Variants in CEBPZOS observed in about 807,000 individuals in gnomAD.
The protein encoded by CEBPZOS is protein CEBPZOS.
Under a neutral mutation model 4.8 loss-of-function variants are expected in CEBPZOS, and 10 were observed. The ratio of observed to expected loss-of-function variants is 2.07; its 90% CI spans 1.28 to 3.52. The LOEUF is 3.52. Ranked by LOEUF, CEBPZOS falls within the 30% of genes most tolerant of loss-of-function variation. CEBPZOS has a pLI of 0.00. For synonymous variants in CEBPZOS, 25 were observed against 14.2 expected, an observed-to-expected ratio of 1.77 and a Z score of -1.72; for missense variants, 98 against 43.6, an observed-to-expected ratio of 2.25 and a Z score of -3.51.
chr2:37,204,931 C>T (rs539741304), downstream of CEBPZOS, among the ~76,000 whole-genome samples: 1 of 152,208 alleles, frequency 6.6e-6, no homozygotes, highest in African/African-American at 2.4e-5. Flanking sequence ...ATTCCTTTTA[C>T]CAGCATCTTT....
chr2:37,212,439 T>G (rs763357280), intron 4 of CEBPZOS: 11 of 1,463,040 alleles, frequency 7.5e-6, no homozygotes, highest in Non-Finnish European at 8.6e-6. Context: ...AATGACAAGC[T>G]TGACATATAT....
At position 37,204,277 on chromosome 2, in the gene CEBPZOS, AT is replaced by A. The variant is rs531479622; in HGVS notation, c.*2436del. ...TAACACCATGCCTGGCTAATTTTTG[AT>A]TTTTTTTTTTTTTTTTTTGAGACAG... On this transcript the variant is annotated 3_prime_UTR_variant, in exon 5 of 5. Coordinates refer to ENST00000402297, the MANE Select transcript of CEBPZOS (RefSeq NM_001322374.2). The A allele has an allele frequency of 0.34, 37,122 of 109,086 alleles. 3,567 individuals carry two copies. The highest frequency in any genetic ancestry group is 0.41 in the Middle Eastern group (88 of 216). 6.8% of individuals were successfully genotyped at this position (109,086 alleles called of 1,614,324 possible).
chr2:37,202,537 TGGG>T lies in CEBPZOS; in HGVS notation c.*678_*680del, dbSNP rs1160418391. On this transcript the variant is annotated 3_prime_UTR_variant, in exon 5 of 5. Coordinates refer to ENST00000402297, the MANE Select transcript of CEBPZOS (RefSeq NM_001322374.2). Reference sequence around the variant, plus strand: ...GTGCATGCCTGTAATCCCAGCTACTTGGGAGGCTAAGGTAGGAGAATTACTTGA... The same window carrying T: ...GTGCATGCCTGTAATCCCAGCTACTTAGGCTAAGGTAGGAGAATTACTTGA... The T allele has an allele frequency of 2.7e-5, 8 of 300,598 alleles. No homozygotes were observed. The highest frequency in any genetic ancestry group is 1.5e-4 in the Admixed American group (3 of 19,988). 18.6% of individuals were successfully genotyped at this position (300,598 alleles called of 1,614,324 possible).
At chr2:37,211,850 G>C in intron 4 of CEBPZOS, 15 of 1,592,834 alleles carry the variant, frequency 9.4e-6, no homozygotes, top group Non-Finnish European at 1.3e-5. Flanking sequence ...TACCTGGAAC[G>C]CTCTCACTTT....
chr2:37,205,545 C>T (rs977468065), downstream of CEBPZOS, among the ~76,000 whole-genome samples: 2 of 152,166 alleles, frequency 1.3e-5, no homozygotes, highest in Non-Finnish European at 2.9e-5. Context: ...ACTCTCTTTT[C>T]GGACTCAGCC....
chr2:37,196,960 A>G (rs1676973274), intron 1 of CEBPZOS, among the ~76,000 whole-genome samples: 1 of 152,166 alleles, frequency 6.6e-6, no homozygotes, highest in Non-Finnish European at 1.5e-5. Flanking sequence ...TAGCCTGCAG[A>G]CGCTAAGCTG....
Position 37,203,138 on chromosome 2 carries a change from T to C in CEBPZOS, c.*1278T>C. 1.8e-6 allele frequency: 1 copy of C among 556,188 alleles called. No individual in the cohort carries two copies. The highest frequency in any genetic ancestry group is 3.1e-6 in the Non-Finnish European group (1 of 325,096). The allele number at this position is 556,188 out of a possible 1,614,324, so 34.5% of individuals were successfully genotyped here. ...AATTGCAATAATCTTCTGGCACCATTGGGTAGCTGGCATTTAAATATAATT... is the reference window on the plus strand; with the variant it reads ...AATTGCAATAATCTTCTGGCACCATCGGGTAGCTGGCATTTAAATATAATT... On this transcript the variant is annotated 3_prime_UTR_variant, in exon 5 of 5. Transcript: ENST00000402297.
chr2:37,202,816 C>T lies in CEBPZOS; in HGVS notation c.*956C>T, dbSNP rs147728536. The stretch of plus-strand genomic sequence containing the variant: ...ATCTTTGTTAGCCATGGCATTCATG[C>T]CAATGTTATCAAACTTGGATCCCAT... On this transcript the variant is annotated 3_prime_UTR_variant, in exon 5 of 5. Transcript: ENST00000402297. 1 of 1,597,916 alleles carries T rather than the reference C, an allele frequency of 6.3e-7. No individual in the cohort carries two copies. The highest frequency in any genetic ancestry group is 8.5e-7 in the Non-Finnish European group (1 of 1,172,672).
At chr2:37,213,554 G>C (rs1453645274) in exon 5 of CEBPZOS, 3 of 205,330 alleles carry the variant, frequency 1.5e-5, no homozygotes, top group African/African-American at 7.1e-5. Flanking sequence ...TGGGACTACA[G>C]GTGCGTGCCA....
At chr2:37,211,848 A>G in intron 4 of CEBPZOS, 1 of 1,593,246 alleles carries the variant, frequency 6.3e-7, no homozygotes, top group East Asian at 2.2e-5. Context: ...CTTACCTGGA[A>G]CGCTCTCACT....
At chr2:37,216,065 C>A (rs1677859048), downstream of CEBPZOS, 2 of 1,102,228 alleles carry the variant, frequency 1.8e-6, no homozygotes, top group South Asian at 1.5e-5. Context: ...TAAATTAGAA[C>A]AAAGAATAAT....
At chr2:37,199,396 TTC>T (rs1216500983) in intron 1 of CEBPZOS, among the ~76,000 whole-genome samples, 3 of 152,322 alleles carry the variant, frequency 2.0e-5, no homozygotes, top group Admixed American at 2.0e-4. Context: ...ATCTTCCCCA[TTC>T]TGTTTTCCTA....
downstream of CEBPZOS, chr2:37,215,589 T>C (rs1677848241): frequency 6.6e-6 from 1 of 152,612 alleles, no homozygotes; most frequent in African/African-American, 2.4e-5. Context: ...TAAGGTCTAA[T>C]TTAATCCTGG....
intron 1 of CEBPZOS, chr2:37,198,440 TATC>T (rs1460602126): frequency 6.6e-6 from 1 of 152,162 alleles, no homozygotes; most frequent in Non-Finnish European, 1.5e-5. Flanking sequence ...CCTGGTAAGA[TATC>T]AGCAGAATAA....
intron 4 of CEBPZOS, chr2:37,212,050 A>C: frequency 1.3e-6 from 2 of 1,573,388 alleles, no homozygotes; most frequent in Non-Finnish European, 1.7e-6. Flanking sequence ...CTGGAAAAAA[A>C]CACAACTTGT....
At chr2:37,197,497 C>G (rs1356691411) in intron 1 of CEBPZOS, 1 of 152,292 alleles carries the variant, frequency 6.6e-6, no homozygotes. Context: ...ACCACCCTCT[C>G]TTAAAACAAA....
exon 5 of CEBPZOS, chr2:37,213,536 C>A: frequency 5.7e-6 from 1 of 176,116 alleles, no homozygotes; most frequent in South Asian, 1.2e-4. Flanking sequence ...CTCTGCTTCT[C>A]GAGTAGCTGG....
chr2:37,206,360 TTTTG>T (rs1362743598), downstream of CEBPZOS, among the ~76,000 whole-genome samples: 1 of 152,244 alleles, frequency 6.6e-6, no homozygotes, highest in East Asian at 1.9e-4. Context: ...AATCTTTGTT[TTTTG>T]TTTCTTTTTT....
At chr2:37,201,130 C>G (rs1300304964) in intron 3 of CEBPZOS, 38 bp downstream of exon 3, 2 of 703,654 alleles carry the variant, frequency 2.8e-6, no homozygotes, top group East Asian at 2.7e-5. Context: ...TATAAAACAA[C>G]TTCTTCAGGT....
Sources: gnomAD v4.1 joint callset for allele counts (sites outside exome capture counted in the v4.1 genomes callset) on GRCh38, gnomAD v4.1.1 for gene constraint, MANE v1.5 for transcripts, NCBI Gene and HGNC (gene_info 2026-07-23, HGNC 2026-07-21) for gene names.